The following RMI1 variants were observed in gnomAD, a reference collection of about 807,000 sequenced individuals.
RMI1 encodes the protein recQ-mediated genome instability protein 1.
RMI1 carries 36 observed loss-of-function variants against 46.7 expected under a neutral mutation model. The ratio of observed to expected loss-of-function variants is 0.77; its 90% CI spans 0.59 to 1.02. The LOEUF (loss-of-function observed/expected upper bound fraction) is 1.02. Among genes scored for constraint, RMI1 ranks in the 50% least tolerant of loss-of-function variants. The pLI, the probability that RMI1 is intolerant of heterozygous loss-of-function variation, is 0.00. For synonymous variants in RMI1, 250 were observed against 252.9 expected, an observed-to-expected ratio of 0.99 and a Z score of 0.11; for missense variants, 676 against 713.7, an observed-to-expected ratio of 0.95 and a Z score of 0.60.
intron 1 of RMI1, among the ~76,000 whole-genome samples, chr9:83,991,797 A>G (rs1456525848): frequency 1.3e-5 from 2 of 152,134 alleles, no homozygotes; most frequent in Non-Finnish European, 2.9e-5. Context: ...TTGATCATAT[A>G]TATGTGTGTC....
intron 1 of RMI1, among the ~76,000 whole-genome samples, chr9:83,997,296 A>C (rs2133124111): frequency 6.6e-6 from 1 of 151,748 alleles, no homozygotes; most frequent in South Asian, 2.1e-4. Context: ...TTTTTAGTAG[A>C]GATGGGGTTT....
Position 83,989,414 on chromosome 9 carries a change from G to T in RMI1, c.-126+8523G>T, listed in dbSNP as rs975096562. Among the ~76,000 whole-genome samples, 6 of 152,122 alleles carry T rather than the reference G, an allele frequency of 3.9e-5. No homozygotes were observed. In the East Asian group the frequency reaches 1.2e-3, roughly 29 times the overall value. ...TAAAGAGACAACTTATTGAATCAGA[G>T]AAAACATTTGCAAAATATCCATCTG... On this transcript the variant is annotated intron_variant, in intron 1 of 2. Coordinates refer to ENST00000445877, the MANE Select transcript of RMI1 (RefSeq NM_001358291.2).
rs774226764 is a variant in RMI1, at chr9:84,001,020, A to G, written c.34A>G (p.Thr12Ala). 2.5e-6 allele frequency: 4 copies of G among 1,612,496 alleles called. No individual in the cohort carries two copies. In the African/African-American group the frequency reaches 4.0e-5, roughly 16 times the overall value. ...GACTAGTATTGCATTAAGAGCTGAA[A>G]CTTGGCTTTTAGCTGCATGGCATGT... ...NVTSIALRAE[T>A]WLLAAWHVKV... Residue 12 changes from threonine (T) to alanine (A), a missense_variant, in exon 3 of 3, where the codon ACT (threonine) becomes GCT (alanine). Physicochemically the swap from Thr to Ala is moderately conservative, Grantham distance 58 (BLOSUM62 0). Transcript: ENST00000445877.
At chr9:83,983,999 A>G (rs779410497) in intron 1 of RMI1, among the ~76,000 whole-genome samples, 1 of 151,564 alleles carries the variant, frequency 6.6e-6, no homozygotes, top group Non-Finnish European at 1.5e-5. Context: ...CATTTTGAAC[A>G]TTTTGTTTTT....
At chr9:83,981,678 G>A (rs1957401393) in intron 1 of RMI1, among the ~76,000 whole-genome samples, 1 of 152,208 alleles carries the variant, frequency 6.6e-6, no homozygotes, top group African/African-American at 2.4e-5. Flanking sequence ...GCATAAAGGT[G>A]TCATAATCTG....
At chr9:83,991,143 G>A (rs2133112173) in intron 1 of RMI1, among the ~76,000 whole-genome samples, 1 of 152,122 alleles carries the variant, frequency 6.6e-6, no homozygotes. Context: ...AAAATTCTTT[G>A]GATATTCAGG....
At chr9:83,994,812 C>G (rs915304034) in intron 1 of RMI1, among the ~76,000 whole-genome samples, 5 of 152,152 alleles carry the variant, frequency 3.3e-5, no homozygotes, top group African/African-American at 1.2e-4. Flanking sequence ...ACCACCACGT[C>G]TAGCTCCCAC....
Position 84,002,230 on chromosome 9 carries a change from C to G in RMI1, c.1244C>G (p.Thr415Arg). Residue 415 changes from threonine to arginine, a missense_variant, in exon 3 of 3, where the codon ACA becomes AGA. Coordinates refer to ENST00000445877, the MANE Select transcript of RMI1 (RefSeq NM_001358291.2). ...AATGTACCCTTAGCCCATGATTTTACAAATAAAGAAAAGAACTTAGAGACA... is the reference window on the plus strand; with the variant it reads ...AATGTACCCTTAGCCCATGATTTTAGAAATAAAGAAAAGAACTTAGAGACA... ...HCNVPLAHDF[T>R]NKEKNLETDN... 6.2e-7 allele frequency: 1 copy of G among 1,606,592 alleles called. No homozygotes were observed. Among genetic ancestry groups the G allele is most frequent in the Non-Finnish European group, 8.5e-7 (1 of 1,178,150 alleles).
intron 1 of RMI1, among the ~76,000 whole-genome samples, chr9:83,984,428 C>G (rs1244598100): frequency 6.6e-6 from 1 of 151,632 alleles, no homozygotes; most frequent in Non-Finnish European, 1.5e-5. Flanking sequence ...TGCTACCAAG[C>G]TCGGCTAATT....
rs768437892 is a variant in RMI1 at position 84,002,484 on chromosome 9, A to T, written c.1498A>T (p.Ser500Cys). 1 of 1,613,998 alleles carries T rather than the reference A, an allele frequency of 6.2e-7. No homozygotes were observed. Among genetic ancestry groups the T allele is most frequent in the Non-Finnish European group, 8.5e-7 (1 of 1,179,946 alleles). Residue 500 changes from serine (S) to cysteine (C), a missense_variant, in exon 3 of 3, where the codon AGC (serine) becomes TGC (cysteine). By Grantham distance (112) the Ser-to-Cys change is moderately radical. Coordinates refer to ENST00000445877, the MANE Select transcript of RMI1 (RefSeq NM_001358291.2). Reference protein sequence around the residue: ...PFVYLSVLMASKPKEVTTVKV... With the variant: ...PFVYLSVLMACKPKEVTTVKV... Reference sequence around the variant, plus strand: ...TGTCTATTTGTCTGTTCTAATGGCCAGCAAACCAAAGGAAGTTACAACAGT... The same window carrying T: ...TGTCTATTTGTCTGTTCTAATGGCCTGCAAACCAAAGGAAGTTACAACAGT...
At chr9:83,989,673 A>AT (rs1554705261) in intron 1 of RMI1, among the ~76,000 whole-genome samples, 12 of 148,536 alleles carry the variant, frequency 8.1e-5, no homozygotes, top group Non-Finnish European at 1.3e-4. Context: ...AAGACAAAAA[A>AT]AAAAATAAAA....
Position 83,983,847 on chromosome 9 carries a change from A to T in RMI1, c.-126+2956A>T, listed in dbSNP as rs149549078. 3.0e-3 allele frequency among the ~76,000 whole-genome samples: 458 copies of T among 152,262 alleles called. 2 individuals are homozygous for T. Among genetic ancestry groups the T allele is most frequent in the African/African-American group, 0.01 (428 of 41,546 alleles). On this transcript the variant is annotated intron_variant, in intron 1 of 2. Coordinates refer to ENST00000445877, the MANE Select transcript of RMI1 (RefSeq NM_001358291.2). ...ATAAAATTAATGGGGATTAAGCTGTATGTAATTTTATATGTGTTCTTTTTC... is the reference window on the plus strand; with the variant it reads ...ATAAAATTAATGGGGATTAAGCTGTTTGTAATTTTATATGTGTTCTTTTTC...
intron 1 of RMI1, among the ~76,000 whole-genome samples, chr9:83,993,656 T>C (rs558830013): frequency 6.6e-6 from 1 of 152,132 alleles, no homozygotes; most frequent in Non-Finnish European, 1.5e-5. Context: ...TATTTTCTGG[T>C]TTTTTGATAT....
rs577313162 is a variant in RMI1 at position 84,003,754 on chromosome 9, G to A, written c.*890G>A. 1 of 166,844 alleles carries A rather than the reference G, an allele frequency of 6.0e-6. No homozygotes were observed. Among genetic ancestry groups the A allele is most frequent in the South Asian group, 2.1e-4 (1 of 4,812 alleles). The allele number at this position is 166,844 out of a possible 1,614,324, so 10.3% of individuals were successfully genotyped here. A position where few individuals can be genotyped will look rare whatever the true frequency, so the allele number is the denominator to read the frequency against. On this transcript the variant is annotated 3_prime_UTR_variant, in exon 3 of 3. Coordinates refer to ENST00000445877, the MANE Select transcript of RMI1 (RefSeq NM_001358291.2). ...GAATGATTTAAAACTTTATTTTCAA[G>A]GATAGTTTATTTTAAATGGCATATT...
intron 1 of RMI1, among the ~76,000 whole-genome samples, chr9:83,984,040 T>G (rs1340235023): frequency 1.3e-5 from 2 of 152,158 alleles, no homozygotes; most frequent in Non-Finnish European, 2.9e-5. Flanking sequence ...TGGTAAACTC[T>G]CTGCCACATA....
chr9:83,990,776 A>G (rs1957561003), intron 1 of RMI1, among the ~76,000 whole-genome samples: 1 of 151,856 alleles, frequency 6.6e-6, no homozygotes, highest in Non-Finnish European at 1.5e-5. Context: ...GCTCATTTTA[A>G]TATTTGTTTT....
chr9:83,995,965 A>G (rs567091981), intron 1 of RMI1, among the ~76,000 whole-genome samples: 1 of 152,254 alleles, frequency 6.6e-6, no homozygotes, highest in African/African-American at 2.4e-5. Flanking sequence ...ATGCTCAAAG[A>G]GATAAAAAAA....
At chr9:83,982,141 G>A (rs967614361) in intron 1 of RMI1, among the ~76,000 whole-genome samples, 1 of 152,160 alleles carries the variant, frequency 6.6e-6, no homozygotes, top group Non-Finnish European at 1.5e-5. Flanking sequence ...AGTTTATGTA[G>A]GGGCTTAGGA....
At chr9:83,986,141 G>A (rs1250830132) in intron 1 of RMI1, among the ~76,000 whole-genome samples, 3 of 152,214 alleles carry the variant, frequency 2.0e-5, no homozygotes, top group Non-Finnish European at 2.9e-5. Context: ...TATTTTATGT[G>A]CTATGTTAGT....
Sources: gnomAD v4.1 joint callset for allele counts (sites outside exome capture counted in the v4.1 genomes callset) on GRCh38, gnomAD v4.1.1 for gene constraint, MANE v1.5 for transcripts, NCBI Gene and HGNC (gene_info 2026-07-23, HGNC 2026-07-21) for gene names.